Variants in LGI2 observed in about 807,000 individuals in gnomAD.
The protein encoded by LGI2 is leucine-rich repeat LGI family member 2.
Under a neutral mutation model 52.0 loss-of-function variants are expected in LGI2, and 30 were observed. That is an observed-to-expected ratio of 0.58 (90% CI 0.43 to 0.78). The LOEUF is 0.78. Among genes scored for constraint, LGI2 ranks in the 30% least tolerant of loss-of-function variants. LGI2 has a pLI of 0.00. For missense variants in LGI2, 573 were observed against 692.5 expected (o/e 0.83, Z 1.94); for synonymous variants, 270 against 271.8 (o/e 0.99, Z 0.06).
chr4:25,013,164 C>A (rs1725646511), intron 6 of LGI2, among the ~76,000 whole-genome samples: 1 of 152,228 alleles, frequency 6.6e-6, no homozygotes, highest in South Asian at 2.1e-4. Context: ...CCCACTTAGC[C>A]TAGCACGAAG....
In LGI2 at chr4:25,018,136, C is replaced by T. The variant is rs1375143330; in HGVS notation, c.508G>A (p.Glu170Lys). Residue 170 changes from glutamate to lysine, a missense_variant, in exon 6 of 8, where the codon GAA (glutamate) becomes AAA (lysine). By Grantham distance (56) the Glu-to-Lys change is moderately conservative. Coordinates refer to ENST00000382114, the MANE Select transcript of LGI2 (RefSeq NM_018176.4). ...AGCCACTTGGCTTTGCAGTCACATTCAAATTTATTACCCCTCAAATCTCTA... is the reference window on the plus strand; with the variant it reads ...AGCCACTTGGCTTTGCAGTCACATTTAAATTTATTACCCCTCAAATCTCTA... The part of the protein sequence containing the change: ...IELDLRGNKF[E>K]CDCKAKWLYL... 6.9e-6 allele frequency: 11 copies of T among 1,603,496 alleles called. No homozygotes were observed. The highest frequency in any genetic ancestry group is 1.8e-5 in the Admixed American group (1 of 57,088).
At chr4:25,022,564 G>C (rs1053702765) in intron 4 of LGI2, among the ~76,000 whole-genome samples, 1 of 152,160 alleles carries the variant, frequency 6.6e-6, no homozygotes, top group Non-Finnish European at 1.5e-5. Context: ...CTCTGTGTTT[G>C]TGTTCTCTGT....
At chr4:25,029,091 G>A (rs1214047461) in intron 1 of LGI2, among the ~76,000 whole-genome samples, 1 of 152,172 alleles carries the variant, frequency 6.6e-6, no homozygotes, top group Non-Finnish European at 1.5e-5. Flanking sequence ...TGTGGGGAGA[G>A]GCAGTACCAT....
At chr4:25,028,641 G>T in intron 1 of LGI2, 63 bp from the exon 2 acceptor site, 1 of 1,412,272 alleles carries the variant, frequency 7.1e-7, no homozygotes, top group Non-Finnish European at 9.9e-7. Context: ...ATGCAGGGTG[G>T]GTAATCAAAC....
chr4:24,996,528 A>C (rs1395732359), downstream of LGI2, among the ~76,000 whole-genome samples: 1 of 152,208 alleles, frequency 6.6e-6, no homozygotes, highest in Non-Finnish European at 1.5e-5. Flanking sequence ...AGACGAGGAG[A>C]GAGTCACACC....
At chr4:24,992,842 A>G in the LGI2 span, among the ~76,000 whole-genome samples, 1 of 152,100 alleles carries the variant, frequency 6.6e-6, no homozygotes. Flanking sequence ...TTGAAATGGG[A>G]TTACAGAACA....
chr4:25,013,745 C>G (rs1229093095), intron 6 of LGI2, among the ~76,000 whole-genome samples: 1 of 152,116 alleles, frequency 6.6e-6, no homozygotes, highest in Non-Finnish European at 1.5e-5. Flanking sequence ...TTGACATATG[C>G]AACAATGATA....
chr4:25,023,845 A>G (rs1368162424), intron 4 of LGI2, among the ~76,000 whole-genome samples: 1 of 152,208 alleles, frequency 6.6e-6, no homozygotes, highest in East Asian at 1.9e-4. Context: ...AAACACAGCC[A>G]CTATTTTTTC....
Position 25,027,017 on chromosome 4 carries a change from T to G in LGI2, c.270-78A>C, listed in dbSNP as rs1404886036. 2.6e-6 allele frequency: 3 copies of G among 1,138,500 alleles called. No individual in the cohort carries two copies. In the African/African-American group the frequency reaches 4.6e-5, roughly 17 times the overall value. 70.5% of individuals were successfully genotyped at this position (1,138,500 alleles called of 1,614,324 possible). The stretch of plus-strand genomic sequence containing the variant: ...GTAAAGCCATTTCTCTTTCCTTTGC[T>G]ACGTTTTGATCTGTGGGCAAACATG... On this transcript the variant is annotated intron_variant, in intron 2 of 7. Transcript: ENST00000382114.
chr4:24,997,283 A>C (rs987857720), downstream of LGI2, among the ~76,000 whole-genome samples: 1 of 152,352 alleles, frequency 6.6e-6, no homozygotes, highest in South Asian at 2.1e-4. Flanking sequence ...TGAGACACAG[A>C]GAAAATAAGT....
chr4:25,007,979 C>T (rs1013025905), intron 7 of LGI2, among the ~76,000 whole-genome samples: 1 of 152,208 alleles, frequency 6.6e-6, no homozygotes, highest in Admixed American at 6.5e-5. Flanking sequence ...CTTCTTGAAG[C>T]AAGTAGCACC....
At position 25,002,882 on chromosome 4, in the gene LGI2, T is replaced by C. The variant is rs1052739815; in HGVS notation, c.*569A>G. 3 of 152,418 alleles carry C rather than the reference T, an allele frequency of 2.0e-5. No individual in the cohort carries two copies. Among genetic ancestry groups the C allele is most frequent in the Non-Finnish European group, 4.4e-5 (3 of 68,214 alleles). The allele number at this position is 152,418 out of a possible 1,614,324, so 9.4% of individuals were successfully genotyped here. ...TTAACATATCCATGACAAGCATTCA[T>C]ATGAGCCAACAAAATCACCAAGGTT... is the stretch of plus-strand genomic sequence containing the variant. On this transcript the variant is annotated 3_prime_UTR_variant, in exon 8 of 8. Transcript: ENST00000382114.
intron 4 of LGI2, among the ~76,000 whole-genome samples, chr4:25,021,815 C>T (rs1369376013): frequency 2.0e-5 from 3 of 151,396 alleles, no homozygotes; most frequent in Non-Finnish European, 4.4e-5. Context: ...CCTGTAGTCC[C>T]AGCTACTCAA....
intron 6 of LGI2, among the ~76,000 whole-genome samples, chr4:25,015,212 G>A (rs762755362): frequency 2.0e-5 from 3 of 152,170 alleles, no homozygotes; most frequent in Admixed American, 6.5e-5. Context: ...ACATGACGCC[G>A]ATCCTTCTGG....
rs181050379 is a variant in LGI2 at position 24,999,029 on chromosome 4, G to A, written c.*4422C>T. On this transcript the variant is annotated 3_prime_UTR_variant, in exon 8 of 8. Coordinates refer to ENST00000382114, the MANE Select transcript of LGI2 (RefSeq NM_018176.4). ...ATAGAAACTATTCTTATTTTACCTA[G>A]GTTATGCACTTAAAATACATACAAA... 5.9e-5 allele frequency: 9 copies of A among 152,154 alleles called. No individual in the cohort carries two copies. Among genetic ancestry groups the A allele is most frequent in the Admixed American group, 5.9e-4 (9 of 15,292 alleles). The allele number at this position is 152,154 out of a possible 1,614,324, so 9.4% of individuals were successfully genotyped here.
At chr4:25,012,193 G>T in intron 7 of LGI2, 142 bp downstream of exon 7, 1 of 868,498 alleles carries the variant, frequency 1.2e-6, no homozygotes, top group Non-Finnish European at 1.8e-6. Flanking sequence ...GAGAGACCCA[G>T]AGGGAAGGCT....
At chr4:25,008,710 G>T (rs1725473226) in intron 7 of LGI2, among the ~76,000 whole-genome samples, 1 of 152,236 alleles carries the variant, frequency 6.6e-6, no homozygotes, top group South Asian at 2.1e-4. Context: ...CCACCAGCTA[G>T]TAAGGGCTGG....
chr4:25,014,484 C>CCAACA (rs1553871855), intron 6 of LGI2, among the ~76,000 whole-genome samples: 1 of 116,804 alleles, frequency 8.6e-6, no homozygotes, highest in African/African-American at 3.5e-5. Flanking sequence ...CCGCCCCCGC[C>CCAACA]AAAAAAAAGG....
chr4:24,994,459 A>C (rs971585736), downstream of LGI2, among the ~76,000 whole-genome samples: 4 of 152,150 alleles, frequency 2.6e-5, no homozygotes, highest in African/African-American at 9.7e-5. Context: ...TACTCCTGGC[A>C]CAAGTCTGCA....
Sources: allele counts gnomAD v4.1 joint callset (sites outside exome capture counted in the v4.1 genomes callset), GRCh38; gene constraint gnomAD v4.1.1; transcripts MANE v1.5; gene names NCBI Gene and HGNC (gene_info 2026-07-23, HGNC 2026-07-21).